TOPBP1: variants seen among roughly 807,000 people sequenced by gnomAD.
TOPBP1 encodes the protein DNA topoisomerase II binding protein 1.
In TOPBP1, 28 loss-of-function variants were observed where a neutral mutation model predicts 167.7. The observed-to-expected ratio is 0.17, with a 90% CI of 0.12 to 0.23. TOPBP1 has a LOEUF of 0.23. Among genes scored for constraint, TOPBP1 ranks in the 10% least tolerant of loss-of-function variants. TOPBP1 has a pLI of 1.00. For missense variants in TOPBP1, 1,554 were observed against 1,809.6 expected (o/e 0.86, Z 2.56); for synonymous variants, 598 against 611.4 (o/e 0.98, Z 0.32).
intron 14 of TOPBP1, among the ~76,000 whole-genome samples, chr3:133,630,565 T>A (rs1175375906): frequency 4.6e-5 from 7 of 152,098 alleles, no homozygotes; most frequent in Admixed American, 3.9e-4. Flanking sequence ...CCCAAAGTGC[T>A]GGGATTACAG....
intron 10 of TOPBP1, 89 bp downstream of exon 10, chr3:133,649,294 C>A (rs369929749): frequency 1.4e-6 from 2 of 1,457,862 alleles, no homozygotes. Flanking sequence ...AACTTAAAAT[C>A]TAGAAAACTT....
chr3:133,603,667 C>G (rs949530676), intron 27 of TOPBP1, among the ~76,000 whole-genome samples: 6 of 151,970 alleles, frequency 3.9e-5, no homozygotes, highest in African/African-American at 1.5e-4. Flanking sequence ...GGGTAAACAA[C>G]TAGCAACAAA....
At chr3:133,603,860 C>T (rs1211589915) in intron 27 of TOPBP1, among the ~76,000 whole-genome samples, 1 of 151,844 alleles carries the variant, frequency 6.6e-6, no homozygotes, top group African/African-American at 2.4e-5. Context: ...TAGAACACAA[C>T]ACCCAACAGC....
At chr3:133,612,576 T>G in intron 23 of TOPBP1, 24 bp from the exon 24 acceptor site, 1 of 1,571,374 alleles carries the variant, frequency 6.4e-7, no homozygotes, top group Non-Finnish European at 8.7e-7. Context: ...AAATGGATTG[T>G]ACTTTATTGA....
intron 16 of TOPBP1, chr3:133,628,110 TGGCATAAAATAG>T (rs1935326792): frequency 2.4e-6 from 1 of 416,808 alleles, no homozygotes; most frequent in East Asian, 4.6e-5. Context: ...GAATAGTTAG[TGGCATAAAATAG>T]GCTCTCCAAT....
intron 8 of TOPBP1, among the ~76,000 whole-genome samples, chr3:133,651,573 T>C (rs1281413282): frequency 6.6e-6 from 1 of 152,198 alleles, no homozygotes; most frequent in Non-Finnish European, 1.5e-5. Context: ...ATTCTACAAA[T>C]AGGAATACAT....
intron 8 of TOPBP1, among the ~76,000 whole-genome samples, chr3:133,650,708 A>C (rs1936263560): frequency 6.6e-6 from 1 of 152,154 alleles, no homozygotes; most frequent in African/African-American, 2.4e-5. Flanking sequence ...AATCACCCCC[A>C]TTACTAGAAT....
rs183913596 is a variant in TOPBP1 at position 133,643,896 on chromosome 3, A to T, written c.1848+124T>A. On this transcript the variant is annotated intron_variant, in intron 11 of 27. Transcript: ENST00000260810. ...TTTGAATTTCCCTTGCTAAAAGCAA[A>T]ATCAAGAGTGTTCAAGTCCAAGCAT... The T allele has an allele frequency of 8.1e-4, 851 of 1,053,244 alleles. 7 individuals carry two copies. Among genetic ancestry groups the T allele is most frequent in the Non-Finnish European group, 1.9e-5 (14 of 742,958 alleles). The allele number at this position is 1,053,244 out of a possible 1,614,324, so 65.2% of individuals were successfully genotyped here.
At chr3:133,643,063 G>A (rs1935948533) in intron 12 of TOPBP1, 137 bp downstream of exon 12, 1 of 716,870 alleles carries the variant, frequency 1.4e-6, no homozygotes, top group East Asian at 3.3e-5. Context: ...GAAGCAGTGG[G>A]AGTGGAGAAG....
intron 11 of TOPBP1, 70 bp downstream of exon 11, chr3:133,643,950 A>G: frequency 7.0e-7 from 1 of 1,429,662 alleles, no homozygotes. Context: ...CTGTCTAAGA[A>G]ATAAACATTA....
In TOPBP1 at chr3:133,652,532, T is replaced by C. The variant is rs61748109; in HGVS notation, c.1020A>G (p.Thr340=). Residue 340 remains threonine (T), a synonymous_variant, in exon 8 of 28, where the codon ACA becomes ACG. Coordinates refer to ENST00000260810, the MANE Select transcript of TOPBP1 (RefSeq NM_007027.4). Reference sequence around the variant, plus strand: ...CATCCAGATTTTCTAGATTTTCAAGTGTAGGCTCCAGTTTGCTGTTAAGTG... The same window carrying C: ...CATCCAGATTTTCTAGATTTTCAAGCGTAGGCTCCAGTTTGCTGTTAAGTG... ...CNSLNSKLEP[T]LENLENLDVS... 73 of 1,611,960 alleles carry C rather than the reference T, an allele frequency of 4.5e-5. No individual in the cohort carries two copies. The highest frequency in any genetic ancestry group is 5.8e-5 in the Non-Finnish European group (69 of 1,179,848).
chr3:133,617,534 T>G (rs1934940777), intron 21 of TOPBP1: 1 of 440,730 alleles, frequency 2.3e-6, no homozygotes, highest in Non-Finnish European at 3.8e-6. Context: ...AAAGAAAAAA[T>G]GCAATTTATT....
At chr3:133,616,080 C>T (rs995691697) in intron 23 of TOPBP1, among the ~76,000 whole-genome samples, 1 of 151,450 alleles carries the variant, frequency 6.6e-6, no homozygotes, top group Non-Finnish European at 1.5e-5. Flanking sequence ...AATAATGTTA[C>T]ATAAGAAGGA....
rs1559805619 is a variant in TOPBP1, at chr3:133,608,579, C to T, written c.4381G>A (p.Val1461Met). 2.5e-6 allele frequency: 4 copies of T among 1,613,822 alleles called. No homozygotes were observed. The highest frequency in any genetic ancestry group is 2.2e-5 in the South Asian group (2 of 91,084). ...VNIAEAAAQN[V>M]YCLRTEYIAD... ...ATGTATTCTGTTCTCAAGCAGTACA[C>T]GTTCTGGGCAGCAGCTTCTGCTATA... Residue 1461 changes from valine (V) to methionine (M), a missense_variant, in exon 27 of 28, where the codon GTG (valine) becomes ATG (methionine). By Grantham distance (21) the Val-to-Met change is conservative (BLOSUM62 1). Around this residue, in one of 3 missense-constraint regions of TOPBP1, gnomAD observed 351 missense variants for 432.9 expected, o/e 0.81. Coordinates refer to ENST00000260810, the MANE Select transcript of TOPBP1 (RefSeq NM_007027.4).
rs1303250211 is a variant in TOPBP1, at chr3:133,655,295, G to A, written c.737C>T (p.Pro246Leu). The change falls in exon 6 of 28, where the codon CCA (proline) becomes CTA (leucine). Residue 246 changes from proline to leucine, a missense_variant. Transcript: ENST00000260810. ...TTTGTGAAACACAGTTTTACCTTTT[G>A]GTTCTTGCACAATGAGGTGTGTACA... is the stretch of plus-strand genomic sequence containing the variant. ...NECTHLIVQE[P>L]KGQKYECAKR... The A allele has an allele frequency of 7.1e-7, 1 of 1,408,878 alleles. No homozygotes were observed. The highest frequency in any genetic ancestry group is 2.0e-5 in the South Asian group (1 of 50,992). The allele number at this position is 1,408,878 out of a possible 1,614,324, so 87.3% of individuals were successfully genotyped here.
chr3:133,611,354 T>A (rs1934668527), intron 24 of TOPBP1, among the ~76,000 whole-genome samples: 1 of 152,220 alleles, frequency 6.6e-6, no homozygotes, highest in East Asian at 1.9e-4. Flanking sequence ...TGGCTTTTAA[T>A]TAGAAATCAG....
At chr3:133,657,993 C>T in intron 3 of TOPBP1, 52 bp from the exon 4 acceptor site, 1 of 1,387,052 alleles carries the variant, frequency 7.2e-7, no homozygotes. Context: ...GACCACCAGT[C>T]TTACAAAATT....
intron 27 of TOPBP1, 101 bp downstream of exon 27, chr3:133,608,434 T>A: frequency 7.6e-7 from 1 of 1,322,604 alleles, no homozygotes. Context: ...GAGACTAATC[T>A]TCTACTAATC....
chr3:133,624,548 T>A (rs906207605), intron 16 of TOPBP1, among the ~76,000 whole-genome samples: 1 of 152,388 alleles, frequency 6.6e-6, no homozygotes, highest in Admixed American at 6.5e-5. Context: ...TCTGTAGGTA[T>A]ATAAATACAG....
Sources: allele counts gnomAD v4.1 joint callset (sites outside exome capture counted in the v4.1 genomes callset), GRCh38; gene constraint gnomAD v4.1.1; regional missense constraint gnomAD v4.1.1; transcripts MANE v1.5; gene names NCBI Gene and HGNC (gene_info 2026-07-23, HGNC 2026-07-21).